The following FAM76A variants were observed in gnomAD, a reference collection of about 807,000 sequenced individuals.
FAM76A encodes protein FAM76A.
Under a neutral mutation model 46.2 loss-of-function variants are expected in FAM76A, and 32 were observed. The observed-to-expected ratio is 0.69, with a 90% CI of 0.52 to 0.93. FAM76A has a LOEUF of 0.93. Among genes scored for constraint, FAM76A ranks in the 40% least tolerant of loss-of-function variants. The probability of loss-of-function intolerance (pLI) is 0.00; values close to 1 mark genes in which losing one functional copy is unlikely to be tolerated. For missense variants in FAM76A, 274 were observed against 361.5 expected, an observed-to-expected ratio of 0.76 and a Z score of 1.96; for synonymous variants, 137 against 127.0, an observed-to-expected ratio of 1.08 and a Z score of -0.53.
chr1:27,747,851 C>T (rs1171590178), intron 5 of FAM76A, among the ~76,000 whole-genome samples: 2 of 151,926 alleles, frequency 1.3e-5, no homozygotes, highest in East Asian at 1.9e-4. Context: ...AGCCAGGAGG[C>T]GGAGGTTGCA....
At chr1:27,753,145 C>G (rs2088357548) in intron 6 of FAM76A, among the ~76,000 whole-genome samples, 1 of 152,078 alleles carries the variant, frequency 6.6e-6, no homozygotes, top group African/African-American at 2.4e-5. Flanking sequence ...CCATTGCACT[C>G]CAGCCTAGGC....
At chr1:27,744,191 C>T (rs994747663) in intron 4 of FAM76A, among the ~76,000 whole-genome samples, 6 of 152,146 alleles carry the variant, frequency 3.9e-5, no homozygotes, top group Non-Finnish European at 2.9e-5. Context: ...TGCCATGGCG[C>T]GATCTCGGCT....
chr1:27,745,230 G>A (rs983550917), intron 5 of FAM76A, among the ~76,000 whole-genome samples: 2 of 152,004 alleles, frequency 1.3e-5, no homozygotes, highest in African/African-American at 2.4e-5. Flanking sequence ...TGTTTTAAGC[G>A]TCCTTTCAGA....
rs775740713 is a variant in FAM76A at position 27,727,536 on chromosome 1, G to A, written c.146G>A (p.Ser49Asn). 1.2e-6 allele frequency: 2 copies of A among 1,612,796 alleles called. No homozygotes were observed. Among genetic ancestry groups the A allele is most frequent in the Non-Finnish European group, 1.7e-6 (2 of 1,178,874 alleles). Residue 49 changes from serine (S) to asparagine (N), a missense_variant and splice_region_variant, in exon 2 of 9, where the codon AGT (serine) becomes AAT (asparagine). Physicochemically the swap from Ser to Asn is conservative, Grantham distance 46. Transcript: ENST00000373954. ...TGCAGGACTGAGTACCAGCAGGAGA[G>A]GTAGAGTTTTGTTGACCATGAAAGA... ...TYCRTEYQQE[S>N]KTNTICKKCA...
intron 6 of FAM76A, among the ~76,000 whole-genome samples, chr1:27,751,970 A>G (rs1356928213): frequency 6.6e-6 from 1 of 151,498 alleles, no homozygotes; most frequent in Non-Finnish European, 1.5e-5. Context: ...CACTCGGCTA[A>G]TTTTTTTGTG....
At chr1:27,759,869 G>A in intron 8 of FAM76A, 1 of 558,518 alleles carries the variant, frequency 1.8e-6, no homozygotes, top group South Asian at 1.6e-5. Flanking sequence ...CCAGGCTCAG[G>A]TGATCCTCCC....
At chr1:27,754,481 C>G (rs961960015) in intron 6 of FAM76A, among the ~76,000 whole-genome samples, 2 of 152,118 alleles carry the variant, frequency 1.3e-5, no homozygotes, top group African/African-American at 4.8e-5. Context: ...ATAGAGTGCT[C>G]TAATGCTGTT....
intron 2 of FAM76A, among the ~76,000 whole-genome samples, chr1:27,732,192 G>A (rs1244527496): frequency 6.6e-6 from 1 of 152,212 alleles, no homozygotes; most frequent in Non-Finnish European, 1.5e-5. Context: ...CAGTTTGGGA[G>A]GCCAAGGCAG....
intron 7 of FAM76A, among the ~76,000 whole-genome samples, chr1:27,758,655 C>A (rs2088455065): frequency 6.6e-6 from 1 of 151,810 alleles, no homozygotes; most frequent in Non-Finnish European, 1.5e-5. Context: ...GCGCACACCA[C>A]CACACCCAGC....
chr1:27,750,022 A>G (rs986567992), intron 6 of FAM76A, among the ~76,000 whole-genome samples: 2 of 152,142 alleles, frequency 1.3e-5, no homozygotes, highest in Non-Finnish European at 2.9e-5. Flanking sequence ...CTGCTTCTCA[A>G]CAAAGTGTTG....
chr1:27,732,551 A>G, intron 2 of FAM76A, 52 bp from the exon 3 acceptor site: 1 of 1,545,784 alleles, frequency 6.5e-7, no homozygotes, highest in South Asian at 1.1e-5. Context: ...TTAAGGAGGT[A>G]TCAGTTTTCA....
At chr1:27,739,445 G>A (rs1197900077) in intron 4 of FAM76A, 4 of 478,694 alleles carry the variant, frequency 8.4e-6, no homozygotes, top group African/African-American at 6.0e-5. Flanking sequence ...ATTAAGATTT[G>A]ATGATGGCAA....
chr1:27,740,350 AT>A lies in FAM76A; in HGVS notation c.355-4303del. 3 of 1,048,774 alleles carry A rather than the reference AT, an allele frequency of 2.9e-6. No individual in the cohort carries two copies. The South Asian group carries it at 3.8e-5, about 13-fold the overall frequency. The allele number at this position is 1,048,774 out of a possible 1,614,324, so 65.0% of individuals were successfully genotyped here. A position where few individuals can be genotyped will look rare whatever the true frequency, so the allele number is the denominator to read the frequency against. ...TTGGCACCATGGACTAATCAAATAG[AT>A]ACGGCCTTGGTTATCACAGTGGAAC... On this transcript the variant is annotated intron_variant, in intron 4 of 8. Transcript: ENST00000373954.
intron 2 of FAM76A, among the ~76,000 whole-genome samples, chr1:27,729,773 T>C (rs552282695): frequency 1.3e-5 from 2 of 152,318 alleles, no homozygotes; most frequent in Non-Finnish European, 1.5e-5. Context: ...TGTGTGTGTG[T>C]GGCAAAATTG....
intron 7 of FAM76A, among the ~76,000 whole-genome samples, chr1:27,757,163 C>T (rs1301282907): frequency 2.9e-5 from 4 of 135,832 alleles, no homozygotes; most frequent in Admixed American, 1.5e-4. Context: ...GTTTTAAGTG[C>T]TTTATATGTA....
At chr1:27,757,711 T>C (rs1232277186) in intron 7 of FAM76A, among the ~76,000 whole-genome samples, 1 of 151,160 alleles carries the variant, frequency 6.6e-6, no homozygotes, top group Non-Finnish European at 1.5e-5. Flanking sequence ...GCTTGGTGGC[T>C]CATGCCTGTA....
chr1:27,738,613 A>G (rs1207828380), intron 4 of FAM76A, among the ~76,000 whole-genome samples: 1 of 152,230 alleles, frequency 6.6e-6, no homozygotes, highest in East Asian at 1.9e-4. Flanking sequence ...TTAAATGCCT[A>G]TCATGTACCA....
intron 7 of FAM76A, 141 bp downstream of exon 7, chr1:27,755,471 T>G (rs958339041): frequency 1.3e-5 from 14 of 1,115,498 alleles, no homozygotes; most frequent in East Asian, 2.5e-5. Context: ...AGGCTGGCTG[T>G]CTGCCAAGAT....
chr1:27,737,868 C>CAAAAAAAA (rs71571865), intron 4 of FAM76A, among the ~76,000 whole-genome samples: 1 of 62,704 alleles, frequency 1.6e-5, no homozygotes, highest in African/African-American at 4.7e-5. Context: ...ACAACAACAA[C>CAAAAAAAA]AAAAAAAAAA....
Sources: allele counts gnomAD v4.1 joint callset (sites outside exome capture counted in the v4.1 genomes callset), GRCh38; gene constraint gnomAD v4.1.1; transcripts MANE v1.5; gene names NCBI Gene and HGNC (gene_info 2026-07-23, HGNC 2026-07-21).